ARHGAP24: variants seen among roughly 807,000 people sequenced by gnomAD.
ARHGAP24 encodes the protein rho GTPase-activating protein 24.
In ARHGAP24, 50 loss-of-function variants were observed where a neutral mutation model predicts 76.4. That is an observed-to-expected ratio of 0.65 (90% CI 0.52 to 0.83). ARHGAP24 has a LOEUF of 0.83. Ranked by LOEUF, ARHGAP24 falls within the 40% of genes least tolerant of loss-of-function variation. The pLI is 0.00. For synonymous variants in ARHGAP24, 345 were observed against 323.3 expected, an observed-to-expected ratio of 1.07 and a Z score of -0.72; for missense variants, 930 against 914.2, an observed-to-expected ratio of 1.02 and a Z score of -0.22.
chr4:85,887,583 TAC>T (rs1733632445), intron 3 of ARHGAP24, among the ~76,000 whole-genome samples: 1 of 152,194 alleles, frequency 6.6e-6, no homozygotes, highest in Non-Finnish European at 1.5e-5. Flanking sequence ...GTAAATATTT[TAC>T]AACACTAAAA....
chr4:85,709,611 T>A (rs1408822722), intron 2 of ARHGAP24, among the ~76,000 whole-genome samples: 2 of 152,090 alleles, frequency 1.3e-5, no homozygotes, highest in Non-Finnish European at 2.9e-5. Flanking sequence ...TTTAGCATTT[T>A]ATTAATGACC....
At position 85,968,561 on chromosome 4, in the gene ARHGAP24, G is replaced by A. The variant is rs565778179; in HGVS notation, c.600-3475G>A. ...AAGGCTAGAGAGTATGATTGACAGG[G>A]TTGCTATTTTATAGACTGAACATAC... On this transcript the variant is annotated intron_variant, in intron 5 of 9. Coordinates refer to ENST00000395184, the MANE Select transcript of ARHGAP24 (RefSeq NM_001025616.3). Among the ~76,000 whole-genome samples, 9 of 152,226 alleles carry A rather than the reference G, an allele frequency of 5.9e-5. No individual in the cohort carries two copies. The East Asian group carries it at 1.7e-3, about 29-fold the overall frequency.
At chr4:85,514,839 A>G (rs1724428168) in intron 1 of ARHGAP24, among the ~76,000 whole-genome samples, 1 of 150,836 alleles carries the variant, frequency 6.6e-6, no homozygotes, top group South Asian at 2.1e-4. Flanking sequence ...AAAAAAAAAA[A>G]AAAAGTGATA....
At chr4:85,699,894 A>G (rs1724012042) in intron 2 of ARHGAP24, among the ~76,000 whole-genome samples, 1 of 152,144 alleles carries the variant, frequency 6.6e-6, no homozygotes, top group Non-Finnish European at 1.5e-5. Context: ...GTAGGCATTT[A>G]ATATATATTG....
Position 85,863,600 on chromosome 4 carries a change from C to T in ARHGAP24, c.269-60048C>T, listed in dbSNP as rs192431304. 2.4e-3 allele frequency among the ~76,000 whole-genome samples: 360 copies of T among 152,006 alleles called. 7 individuals carry two copies. Among genetic ancestry groups the T allele is most frequent in the Non-Finnish European group, 7.8e-4 (53 of 67,966 alleles). ...GGCACAGATTATCTTCTCCTTAGGG[C>T]GATTATTTACCATTGTTGTGAGTTT... On this transcript the variant is annotated intron_variant, in intron 3 of 9. Transcript: ENST00000395184.
chr4:85,859,022 A>G (rs1731735301), intron 3 of ARHGAP24, among the ~76,000 whole-genome samples: 1 of 152,088 alleles, frequency 6.6e-6, no homozygotes, highest in Non-Finnish European at 1.5e-5. Context: ...TCCTGCCATT[A>G]TCTGCTTTTG....
chr4:85,733,060 C>CTTTTTTTT lies in ARHGAP24; in HGVS notation c.268+11102_268+11109dup, dbSNP rs1210109366. On this transcript the variant is annotated intron_variant, in intron 3 of 9. Transcript: ENST00000395184. The stretch of plus-strand genomic sequence containing the variant: ...CTATAGATCTTATAGGCCTCACCAA[C>CTTTTTTTT]TTTTTTTTTTTTTTTTTTTTTGAGA... 2.1e-3 allele frequency among the ~76,000 whole-genome samples: 116 copies of CTTTTTTTT among 55,208 alleles called. 22 individuals carry two copies. Among genetic ancestry groups the CTTTTTTTT allele is most frequent in the East Asian group, 0.012 (21 of 1,734 alleles). 36.2% of individuals were successfully genotyped at this position (55,208 alleles called of 152,430 possible). A position where few individuals can be genotyped will look rare whatever the true frequency, so the allele number is the denominator to read the frequency against.
chr4:85,728,232 CAA>C (rs143928362), intron 3 of ARHGAP24, among the ~76,000 whole-genome samples: 25,971 of 90,332 alleles, frequency 0.29, 2,489 homozygotes, highest in African/African-American at 0.35. Context: ...ATCCTTTTGC[CAA>C]AAAAAAAAAA....
At chr4:85,890,946 C>A (rs1431261861) in intron 3 of ARHGAP24, among the ~76,000 whole-genome samples, 3 of 152,068 alleles carry the variant, frequency 2.0e-5, no homozygotes, top group Non-Finnish European at 4.4e-5. Flanking sequence ...CAAGTGTCTG[C>A]AAGTCTAGGG....
At chr4:85,571,462 C>T (rs1727136725) in intron 2 of ARHGAP24, among the ~76,000 whole-genome samples, 1 of 152,142 alleles carries the variant, frequency 6.6e-6, no homozygotes, top group South Asian at 2.1e-4. Flanking sequence ...TGTTTTTCAT[C>T]TACGTCTATA....
intron 3 of ARHGAP24, among the ~76,000 whole-genome samples, chr4:85,771,445 C>T (rs1727126380): frequency 1.3e-5 from 2 of 152,228 alleles, no homozygotes; most frequent in African/African-American, 4.8e-5. Context: ...TATTCATGTC[C>T]TCGGCAGATT....
intron 1 of ARHGAP24, among the ~76,000 whole-genome samples, chr4:85,502,871 T>G (rs892656053): frequency 6.6e-6 from 1 of 152,226 alleles, no homozygotes; most frequent in African/African-American, 2.4e-5. Context: ...AAATAGTTCT[T>G]ATTATTTTGA....
chr4:85,947,723 A>G (rs1737373175), intron 5 of ARHGAP24, among the ~76,000 whole-genome samples: 1 of 152,240 alleles, frequency 6.6e-6, no homozygotes, highest in African/African-American at 2.4e-5. Context: ...TATGTAGAGC[A>G]AACTTAAGTG....
chr4:85,664,430 C>CGAAA (rs1159212124), intron 2 of ARHGAP24, among the ~76,000 whole-genome samples: 1 of 151,204 alleles, frequency 6.6e-6, no homozygotes, highest in Non-Finnish European at 1.5e-5. Context: ...TGCTAGCAGT[C>CGAAA]TATCAATTTT....
intron 2 of ARHGAP24, among the ~76,000 whole-genome samples, chr4:85,632,456 AT>A (rs1360804109): frequency 6.6e-6 from 1 of 151,958 alleles, no homozygotes; most frequent in Non-Finnish European, 1.5e-5. Flanking sequence ...ATTTTTCTGT[AT>A]TTTATTGGGG....
At chr4:85,862,781 C>T (rs758315202) in intron 3 of ARHGAP24, among the ~76,000 whole-genome samples, 8 of 152,088 alleles carry the variant, frequency 5.3e-5, no homozygotes, top group Non-Finnish European at 8.8e-5. Flanking sequence ...GATGGGATCT[C>T]ATATTTTCCT....
At chr4:85,553,223 C>T (rs1412328226) in intron 1 of ARHGAP24, among the ~76,000 whole-genome samples, 1 of 152,112 alleles carries the variant, frequency 6.6e-6, no homozygotes, top group African/African-American at 2.4e-5. Flanking sequence ...TGGACCCAAA[C>T]AGTGAGCAGC....
In ARHGAP24 at chr4:85,587,079, A is replaced by C. The variant is rs1013833059; in HGVS notation, c.180+16358A>C. Among the ~76,000 whole-genome samples the C allele has an allele frequency of 2.2e-4, 34 of 152,270 alleles. 1 individual carries two copies. The highest frequency in any genetic ancestry group is 7.9e-4 in the African/African-American group (33 of 41,558). ...TTTTCTCAAAATGGTAGATTGATGAATTCTCTATTGGAATTTTAAAAAGTA... is the reference window on the plus strand; with the variant it reads ...TTTTCTCAAAATGGTAGATTGATGACTTCTCTATTGGAATTTTAAAAAGTA... On this transcript the variant is annotated intron_variant, in intron 2 of 9. Coordinates refer to ENST00000395184, the MANE Select transcript of ARHGAP24 (RefSeq NM_001025616.3).
intron 1 of ARHGAP24, among the ~76,000 whole-genome samples, chr4:85,487,631 ATAT>A (rs1158812612): frequency 3.7e-4 from 40 of 108,526 alleles, no homozygotes; most frequent in African/African-American, 1.5e-3. Flanking sequence ...TATTTATTAC[ATAT>A]TATATAAACA....
Sources: gnomAD v4.1 joint callset for allele counts (sites outside exome capture counted in the v4.1 genomes callset) on GRCh38, gnomAD v4.1.1 for gene constraint, MANE v1.5 for transcripts, NCBI Gene and HGNC (gene_info 2026-07-23, HGNC 2026-07-21) for gene names.